Variants in ZDHHC23 observed in about 807,000 individuals in gnomAD.
The protein encoded by ZDHHC23 is palmitoyltransferase ZDHHC23.
In ZDHHC23, 41 loss-of-function variants were observed where a neutral mutation model predicts 40.2. That is an observed-to-expected ratio of 1.02 (90% CI 0.79 to 1.32). The LOEUF (loss-of-function observed/expected upper bound fraction) is 1.32, where lower values mean the gene tolerates loss of function less well. ZDHHC23 is among the 40% of genes most tolerant of loss of function. The pLI, the probability that ZDHHC23 is intolerant of heterozygous loss-of-function variation, is 0.00. For missense variants in ZDHHC23, 471 were observed against 541.5 expected, an observed-to-expected ratio of 0.87 and a Z score of 1.29; for synonymous variants, 204 against 210.2, an observed-to-expected ratio of 0.97 and a Z score of 0.26.
chr3:113,970,993 G>A, the ZDHHC23 span, among the ~76,000 whole-genome samples: 11 of 152,236 alleles, frequency 7.2e-5, no homozygotes, highest in African/African-American at 2.6e-4. Context: ...TTGGTTCCAA[G>A]TCTTTGCTAT....
chr3:113,977,825 A>G, the ZDHHC23 span, among the ~76,000 whole-genome samples: 2 of 152,244 alleles, frequency 1.3e-5, no homozygotes, highest in Non-Finnish European at 2.9e-5. Context: ...TACATTTCAC[A>G]ATAAATGATG....
At chr3:113,958,243 GT>G (rs1939421245) in intron 4 of ZDHHC23, 119 bp from the exon 5 acceptor site, 1 of 856,944 alleles carries the variant, frequency 1.2e-6, no homozygotes, top group South Asian at 1.7e-5. Flanking sequence ...AGTTCGGAGG[GT>G]TGGGGAAGAT....
Position 113,948,870 on chromosome 3 carries a change from T to C in ZDHHC23, c.68T>C (p.Leu23Pro), listed in dbSNP as rs1248379995. ...ACCGAAGAACCTGAATTGGAGCCCC[T>C]GTGCTGCTGCGAGTACATAGATCGG... ...KKTEEPELEPLCCCEYIDRNG... is the reference protein window; with the variant it reads ...KKTEEPELEPPCCCEYIDRNG... Residue 23 changes from leucine to proline, a missense_variant, in exon 2 of 5, where the codon CTG becomes CCG. This residue lies in a region of ZDHHC23 where 83 missense variants were observed against 67.8 expected (regional missense o/e 1.22). Coordinates refer to ENST00000638807, the MANE Select transcript of ZDHHC23 (RefSeq NM_001320466.2). The C allele has an allele frequency of 6.2e-7, 1 of 1,614,224 alleles. No homozygotes were observed. Among genetic ancestry groups the C allele is most frequent in the East Asian group, 2.2e-5 (1 of 44,886 alleles).
the ZDHHC23 span, among the ~76,000 whole-genome samples, chr3:113,971,934 C>T: frequency 6.6e-6 from 1 of 151,878 alleles, no homozygotes; most frequent in Non-Finnish European, 1.5e-5. Context: ...GAAATTTATC[C>T]ATTTCTTCTA....
chr3:113,965,084 TGTGG>T, downstream of ZDHHC23: 2 of 829,502 alleles, frequency 2.4e-6, no homozygotes, highest in Non-Finnish European at 3.8e-6. Flanking sequence ...TATGTATGTG[TGTGG>T]GTGGGTGGAG....
rs552344249 is a variant in ZDHHC23 at position 113,962,791 on chromosome 3, G to A, written c.*4161G>A. ...AGCAACATTAAGGGGGATTTCTGAAGCCAACTCCGGAGGCTGTGGGCTGCA... is the reference window on the plus strand; with the variant it reads ...AGCAACATTAAGGGGGATTTCTGAAACCAACTCCGGAGGCTGTGGGCTGCA... On this transcript the variant is annotated 3_prime_UTR_variant, in exon 5 of 5. Coordinates refer to ENST00000638807, the MANE Select transcript of ZDHHC23 (RefSeq NM_001320466.2). 1.3e-5 allele frequency: 2 copies of A among 152,264 alleles called. No homozygotes were observed. The highest frequency in any genetic ancestry group is 4.1e-4 in the South Asian group (2 of 4,820). The allele number at this position is 152,264 out of a possible 1,614,324, so 9.4% of individuals were successfully genotyped here.
rs753885933 is a variant in ZDHHC23, at chr3:113,953,679, CTT to C, written c.162-19_162-18del. The C allele has an allele frequency of 6.3e-6, 10 of 1,593,026 alleles. No homozygotes were observed. Among genetic ancestry groups the C allele is most frequent in the Non-Finnish European group, 7.7e-6 (9 of 1,167,736 alleles). On this transcript the variant is annotated intron_variant, in intron 2 of 4. Coordinates refer to ENST00000638807, the MANE Select transcript of ZDHHC23 (RefSeq NM_001320466.2). ...AACAAACCCACATGAAGTCCCTCCT[CTT>C]TGTGCTTTTTCTGAATAGATGGATT... is the stretch of plus-strand genomic sequence containing the variant.
chr3:113,950,141 A>G (rs1232194140), intron 2 of ZDHHC23, among the ~76,000 whole-genome samples: 1 of 151,908 alleles, frequency 6.6e-6, no homozygotes, highest in African/African-American at 2.4e-5. Context: ...CTGTGTTTCC[A>G]CCGTGCCTGC....
rs772910879 is a variant in ZDHHC23, at chr3:113,954,296, C to T, written c.758C>T (p.Pro253Leu). 5.5e-5 allele frequency: 89 copies of T among 1,613,988 alleles called. 1 individual carries two copies. The South Asian group carries it at 8.6e-4, about 16-fold the overall frequency. ...KGSSKMPAGS[P>L]TKAKEDWCAK... ...TCTTCCAAGATGCCAGCTGGAAGCC[C>T]CACCAAAGCGAAGGAGGACTGGTGT... Residue 253 changes from proline to leucine, a missense_variant, in exon 3 of 5, where the codon CCC becomes CTC. By Grantham distance (98) the Pro-to-Leu change is moderately conservative. Coordinates refer to ENST00000638807, the MANE Select transcript of ZDHHC23 (RefSeq NM_001320466.2).
In ZDHHC23 at chr3:113,959,006, C is replaced by A; in HGVS notation, c.*376C>A. On this transcript the variant is annotated 3_prime_UTR_variant, in exon 5 of 5. Coordinates refer to ENST00000638807, the MANE Select transcript of ZDHHC23 (RefSeq NM_001320466.2). ...TTCGATTCTTAATAGCCATGTGACC[C>A]CTAGCTGAGTCACTTTCCCAAGTCT... The A allele has an allele frequency of 8.8e-7, 1 of 1,131,356 alleles. No individual in the cohort carries two copies. The highest frequency in any genetic ancestry group is 1.1e-6 in the Non-Finnish European group (1 of 891,862). 70.1% of individuals were successfully genotyped at this position (1,131,356 alleles called of 1,614,324 possible).
chr3:113,958,435 C>T lies in ZDHHC23; in HGVS notation c.1113C>T (p.Ile371=). 1 of 1,614,196 alleles carries T rather than the reference C, an allele frequency of 6.2e-7. No homozygotes were observed. The highest frequency in any genetic ancestry group is 8.5e-7 in the Non-Finnish European group (1 of 1,180,040). ...CAGGCATGGCCTACATCTTCCTGAT[C>T]CAGCTGATCAACATCAGCTACAATG... ...ITAGMAYIFL[I]QLINISYNVT... is the part of the protein sequence containing the mutation. Residue 371 remains isoleucine, a synonymous_variant, in exon 5 of 5, where the codon ATC becomes ATT. Transcript: ENST00000638807.
downstream of ZDHHC23, chr3:113,965,124 C>T (rs745861392): frequency 1.4e-6 from 2 of 1,444,936 alleles, 1 homozygote; most frequent in Non-Finnish European, 1.9e-6. Context: ...ACTAGTCGAG[C>T]TTCCTGTCCT....
chr3:113,977,488 T>C, the ZDHHC23 span, among the ~76,000 whole-genome samples: 3 of 152,140 alleles, frequency 2.0e-5, no homozygotes, highest in Non-Finnish European at 4.4e-5. Context: ...TTATACAGAA[T>C]ACCTTATTTC....
the ZDHHC23 span, among the ~76,000 whole-genome samples, chr3:113,977,938 T>C: frequency 2.8e-4 from 43 of 152,326 alleles, no homozygotes; most frequent in African/African-American, 9.4e-4. Flanking sequence ...CATTTTATTC[T>C]CTTGGCAGTT....
downstream of ZDHHC23, among the ~76,000 whole-genome samples, chr3:113,969,279 A>T (rs890263667): frequency 1.3e-5 from 2 of 151,370 alleles, no homozygotes; most frequent in East Asian, 3.9e-4. Context: ...GTTTGCAAAT[A>T]CTCTCTCTCT....
chr3:113,971,027 T>C, the ZDHHC23 span, among the ~76,000 whole-genome samples: 7 of 150,594 alleles, frequency 4.6e-5, no homozygotes, highest in African/African-American at 1.7e-4. Flanking sequence ...GCAATAAACA[T>C]GTGTGCATGT....
In ZDHHC23 at chr3:113,959,487, T is replaced by G. The variant is rs947433112; in HGVS notation, c.*857T>G. On this transcript the variant is annotated 3_prime_UTR_variant, in exon 5 of 5. Coordinates refer to ENST00000638807, the MANE Select transcript of ZDHHC23 (RefSeq NM_001320466.2). ...TTCTTATAAATAACTCCAACAGGCA[T>G]TCATGTGTTTTTCCTCTTCCCATGT... 2.0e-5 allele frequency: 26 copies of G among 1,275,512 alleles called. No individual in the cohort carries two copies. Among genetic ancestry groups the G allele is most frequent in the African/African-American group, 3.0e-5 (2 of 65,744 alleles). 79.0% of individuals were successfully genotyped at this position (1,275,512 alleles called of 1,614,324 possible).
At chr3:113,973,609 CTTTTT>C in the ZDHHC23 span, among the ~76,000 whole-genome samples, 1 of 131,326 alleles carries the variant, frequency 7.6e-6, no homozygotes, top group Non-Finnish European at 1.7e-5. Context: ...TTTTTTTTTT[CTTTTT>C]TCTTTCAGCA....
chr3:113,955,863 C>T (rs1939179849), intron 3 of ZDHHC23, among the ~76,000 whole-genome samples: 1 of 152,234 alleles, frequency 6.6e-6, no homozygotes, highest in Non-Finnish European at 1.5e-5. Context: ...TATAAGACTG[C>T]ATTCCTCAGG....
Sources: allele counts gnomAD v4.1 joint callset (sites outside exome capture counted in the v4.1 genomes callset), GRCh38; gene constraint gnomAD v4.1.1; regional missense constraint gnomAD v4.1.1; transcripts MANE v1.5; gene names NCBI Gene and HGNC (gene_info 2026-07-23, HGNC 2026-07-21).